The following MITF variants were observed in gnomAD, a reference collection of about 807,000 sequenced individuals.
The protein encoded by MITF is microphthalmia-associated transcription factor.
MITF carries 17 observed loss-of-function variants against 60.5 expected under a neutral mutation model. The ratio of observed to expected loss-of-function variants is 0.28; its 90% CI spans 0.19 to 0.42. The LOEUF (loss-of-function observed/expected upper bound fraction) is 0.42, where lower values mean the gene tolerates loss of function less well. Among genes scored for constraint, MITF ranks in the 10% least tolerant of loss-of-function variants. The probability of loss-of-function intolerance (pLI) is 1.00; values close to 1 mark genes in which losing one functional copy is unlikely to be tolerated. For missense variants in MITF, 622 were observed against 683.5 expected, an observed-to-expected ratio of 0.91 and a Z score of 1.00; for synonymous variants, 260 against 248.5, an observed-to-expected ratio of 1.05 and a Z score of -0.43.
rs777982903 is a variant in MITF at position 69,965,161 on chromosome 3, A to C, written c.1494A>C (p.Pro498=). The C allele has an allele frequency of 7.9e-5, 127 of 1,613,496 alleles. No individual in the cohort carries two copies. Among genetic ancestry groups the C allele is most frequent in the Non-Finnish European group, 1.0e-4 (119 of 1,179,822 alleles). ...TTTCTCCCGTCGGTGTCACTGATCCACTCCTTTCCTCAGTGTCCCCCGGAG... is the reference window on the plus strand; with the variant it reads ...TTTCTCCCGTCGGTGTCACTGATCCCCTCCTTTCCTCAGTGTCCCCCGGAG... ...DTLSPVGVTD[P]LLSSVSPGAS... The change falls in exon 10 of 10, where the codon CCA becomes CCC. Residue 498 remains proline (P), a synonymous_variant. Coordinates refer to ENST00000352241, the MANE Select transcript of MITF (RefSeq NM_001354604.2).
intron 2 of MITF, among the ~76,000 whole-genome samples, chr3:69,903,106 G>C (rs970616190): frequency 1.3e-5 from 2 of 152,154 alleles, no homozygotes; most frequent in Non-Finnish European, 2.9e-5. Flanking sequence ...TGAAACCATA[G>C]AGATGAAAAT....
intron 1 of MITF, among the ~76,000 whole-genome samples, chr3:69,833,256 A>G (rs1255785318): frequency 6.6e-6 from 1 of 150,384 alleles, no homozygotes; most frequent in Non-Finnish European, 1.5e-5. Flanking sequence ...TTATTTTTCT[A>G]TTTACATTAT....
chr3:69,796,494 C>CTTTTTTTTTCTTTTTTTTTTT (rs2062830290), intron 1 of MITF, among the ~76,000 whole-genome samples: 1 of 80,328 alleles, frequency 1.2e-5, no homozygotes, highest in Non-Finnish European at 2.6e-5. Context: ...CACCGTCTTT[C>CTTTTTTTTTCTTTTTTTTTTT]TTTTTTTTTT....
intron 1 of MITF, among the ~76,000 whole-genome samples, chr3:69,854,664 G>T (rs2063885391): frequency 6.6e-6 from 1 of 152,132 alleles, no homozygotes. Flanking sequence ...GTACAATAGA[G>T]TTTTCCAATC....
chr3:69,844,079 TG>T (rs1488652094), intron 1 of MITF, among the ~76,000 whole-genome samples: 1 of 152,260 alleles, frequency 6.6e-6, no homozygotes, highest in Non-Finnish European at 1.5e-5. Flanking sequence ...CAACTCATCC[TG>T]TTTTATGGCT....
intron 1 of MITF, among the ~76,000 whole-genome samples, chr3:69,745,072 TATTA>T (rs1703671834): frequency 6.6e-6 from 1 of 152,142 alleles, no homozygotes; most frequent in Non-Finnish European, 1.5e-5. Context: ...ACAATAATGA[TATTA>T]ATTATAATTT....
intron 1 of MITF, among the ~76,000 whole-genome samples, chr3:69,870,296 A>ATATG (rs1194804165): frequency 6.7e-6 from 1 of 148,364 alleles, no homozygotes; most frequent in African/African-American, 2.5e-5. Flanking sequence ...GTGTGTTTAT[A>ATATG]TATATACACA....
At chr3:69,761,993 T>A (rs1213493678) in intron 1 of MITF, among the ~76,000 whole-genome samples, 1 of 152,176 alleles carries the variant, frequency 6.6e-6, no homozygotes, top group African/African-American at 2.4e-5. Flanking sequence ...TAACCTGACT[T>A]GTTGATTGCT....
chr3:69,870,163 A>C (rs1381111077), intron 1 of MITF, among the ~76,000 whole-genome samples: 1 of 131,598 alleles, frequency 7.6e-6, no homozygotes, highest in East Asian at 2.0e-4. Flanking sequence ...AAAAACAGGC[A>C]AAAAAAAAAA....
At chr3:69,933,483 G>A (rs1372613782) in intron 2 of MITF, among the ~76,000 whole-genome samples, 1 of 152,096 alleles carries the variant, frequency 6.6e-6, no homozygotes, top group Non-Finnish European at 1.5e-5. Flanking sequence ...GTTAGGAGGT[G>A]ATCCATTCCG....
At chr3:69,951,093 C>CTTTTTTTTT (rs527693480) in intron 6 of MITF, among the ~76,000 whole-genome samples, 2 of 108,960 alleles carry the variant, frequency 1.8e-5, no homozygotes, top group Non-Finnish European at 1.9e-5. Flanking sequence ...AATTTGGCAG[C>CTTTTTTTTT]TTTTTTTTTT....
chr3:69,914,365 G>A (rs962727788), intron 2 of MITF, among the ~76,000 whole-genome samples: 22 of 152,030 alleles, frequency 1.4e-4, no homozygotes, highest in East Asian at 3.9e-4. Context: ...CAGGTGATCC[G>A]CCTCCCTCGG....
chr3:69,961,830 T>G (rs1194749761), intron 9 of MITF, among the ~76,000 whole-genome samples: 1 of 152,262 alleles, frequency 6.6e-6, no homozygotes, highest in Non-Finnish European at 1.5e-5. Context: ...TGTTTTATTT[T>G]AGGGTTCCAA....
intron 2 of MITF, among the ~76,000 whole-genome samples, chr3:69,931,782 GT>G (rs1248181583): frequency 6.6e-6 from 1 of 152,172 alleles, no homozygotes; most frequent in Non-Finnish European, 1.5e-5. Flanking sequence ...GATTTACACA[GT>G]TTTATCTTCC....
intron 2 of MITF, chr3:69,936,510 G>A (rs1291004504): frequency 1.7e-6 from 2 of 1,174,774 alleles, no homozygotes; most frequent in Admixed American, 6.8e-5. Context: ...CAAAAAAAAG[G>A]CCCTTATGTG....
At chr3:69,963,892 G>C (rs979467721) in intron 9 of MITF, among the ~76,000 whole-genome samples, 4 of 151,912 alleles carry the variant, frequency 2.6e-5, no homozygotes, top group Non-Finnish European at 2.9e-5. Context: ...CACACATGGG[G>C]ACCTCAGTGC....
At chr3:69,952,801 G>T (rs1169471521) in intron 7 of MITF, among the ~76,000 whole-genome samples, 1 of 152,074 alleles carries the variant, frequency 6.6e-6, no homozygotes, top group Non-Finnish European at 1.5e-5. Context: ...TCCATTTTAT[G>T]TTGATTTTTT....
At chr3:69,945,908 T>G (rs1016587684) in intron 5 of MITF, among the ~76,000 whole-genome samples, 3 of 152,222 alleles carry the variant, frequency 2.0e-5, no homozygotes, top group Non-Finnish European at 4.4e-5. Flanking sequence ...GCAGATTCCC[T>G]GATTTCTGTT....
At chr3:69,839,453 T>C (rs77135886) in intron 1 of MITF, among the ~76,000 whole-genome samples, 1 of 152,080 alleles carries the variant, frequency 6.6e-6, no homozygotes, top group Non-Finnish European at 1.5e-5. Context: ...CTTTTTTTTT[T>C]CTTCCGGTGC....
Sources: allele counts gnomAD v4.1 joint callset (sites outside exome capture counted in the v4.1 genomes callset), GRCh38; gene constraint gnomAD v4.1.1; transcripts MANE v1.5; gene names NCBI Gene and HGNC (gene_info 2026-07-23, HGNC 2026-07-21).